TOMM20L: variants seen among roughly 807,000 people sequenced by gnomAD.
TOMM20L encodes the protein translocase of outer mitochondrial membrane 20 like, also known as TOMM20-like protein 1.
Under a neutral mutation model 20.4 loss-of-function variants are expected in TOMM20L, and 19 were observed. That is an observed-to-expected ratio of 0.93 (90% CI 0.65 to 1.36). The LOEUF is 1.36. Ranked by LOEUF, TOMM20L falls within the 40% of genes most tolerant of loss-of-function variation. The probability of loss-of-function intolerance (pLI) is 0.00; values close to 1 mark genes in which losing one functional copy is unlikely to be tolerated. For synonymous variants in TOMM20L, 75 were observed against 79.6 expected, an observed-to-expected ratio of 0.94 and a Z score of 0.30; for missense variants, 218 against 203.7, an observed-to-expected ratio of 1.07 and a Z score of -0.43.
the TOMM20L span, among the ~76,000 whole-genome samples, chr14:58,416,908 G>T: frequency 6.6e-6 from 1 of 152,134 alleles, no homozygotes; most frequent in South Asian, 2.1e-4. Context: ...TGGAGTTCAA[G>T]ACCAGCCTGG....
downstream of TOMM20L, among the ~76,000 whole-genome samples, chr14:58,409,634 A>G (rs1209764708): frequency 6.6e-6 from 1 of 152,154 alleles, no homozygotes; most frequent in Non-Finnish European, 1.5e-5. Context: ...GCTTGAGTGC[A>G]GTGGCGTGAT....
chr14:58,408,802 C>A (rs574289271), downstream of TOMM20L: 61 of 678,588 alleles, frequency 9.0e-5, no homozygotes, highest in African/African-American at 1.0e-3. Flanking sequence ...AATCATAAGG[C>A]CTCAACAAAT....
chr14:58,413,533 G>T (rs944601664), downstream of TOMM20L, among the ~76,000 whole-genome samples: 7 of 152,076 alleles, frequency 4.6e-5, no homozygotes, highest in African/African-American at 7.2e-5. Context: ...AATCTAACGT[G>T]GCGGCAACAG....
At chr14:58,410,702 G>T, downstream of TOMM20L, 1 of 585,234 alleles carries the variant, frequency 1.7e-6, no homozygotes, top group Non-Finnish European at 2.9e-6. Flanking sequence ...TTCAGTGGCT[G>T]CTTCAGTTCT....
chr14:58,396,226 G>A lies in TOMM20L; in HGVS notation c.137-72G>A, dbSNP rs889553196. 8.8e-6 allele frequency: 14 copies of A among 1,595,106 alleles called. No homozygotes were observed. In the East Asian group the frequency reaches 1.4e-4, roughly 16 times the overall value. On this transcript the variant is annotated intron_variant, in intron 1 of 4. Coordinates refer to ENST00000360945, the MANE Select transcript of TOMM20L (RefSeq NM_207377.3). ...CCGAGGGGCCCGCGGCGCCCGGGCA[G>A]GCAGGACCACTGGGCCCACGCGTGC...
At chr14:58,411,250 C>T (rs1433361647), downstream of TOMM20L, among the ~76,000 whole-genome samples, 1 of 151,932 alleles carries the variant, frequency 6.6e-6, no homozygotes, top group Non-Finnish European at 1.5e-5. Flanking sequence ...GAGTTCGAGA[C>T]CAGCCTGGCC....
chr14:58,409,407 TG>T (rs1253851730), downstream of TOMM20L, among the ~76,000 whole-genome samples: 1 of 152,164 alleles, frequency 6.6e-6, no homozygotes, highest in Admixed American at 6.6e-5. Context: ...GATAAGTCTC[TG>T]TTTTCAAAAA....
At chr14:58,396,231 G>A in intron 1 of TOMM20L, 67 bp from the exon 2 acceptor site, 1 of 1,599,508 alleles carries the variant, frequency 6.3e-7, no homozygotes. Flanking sequence ...GGGCAGGCAG[G>A]ACCACTGGGC....
intron 3 of TOMM20L, among the ~76,000 whole-genome samples, chr14:58,403,321 A>G (rs1330538637): frequency 1.3e-5 from 2 of 152,180 alleles, no homozygotes; most frequent in Non-Finnish European, 2.9e-5. Context: ...TCTTGCCACT[A>G]TACTCCAGCC....
intron 4 of TOMM20L, 44 bp downstream of exon 4, chr14:58,407,512 T>A (rs1268894473): frequency 2.6e-6 from 4 of 1,560,840 alleles, no homozygotes; most frequent in Admixed American, 2.0e-5. Flanking sequence ...ACACAGTAAA[T>A]AGCTATGTTA....
the TOMM20L span, among the ~76,000 whole-genome samples, chr14:58,416,983 A>C: frequency 1.3e-5 from 2 of 152,020 alleles, no homozygotes; most frequent in Non-Finnish European, 2.9e-5. Flanking sequence ...TGTGGGAGGG[A>C]CCTGGTGGGA....
Position 58,404,117 on chromosome 14 carries a change from A to ATTTT in TOMM20L, c.262+1357_262+1358insTTTT. Among the ~76,000 whole-genome samples, 11 of 13,454 alleles carry ATTTT rather than the reference A, an allele frequency of 8.2e-4. 1 individual carries two copies. Among genetic ancestry groups the ATTTT allele is most frequent in the Non-Finnish European group, 1.1e-3 (6 of 5,392 alleles). The allele number at this position is 13,454 out of a possible 152,430, so 8.8% of individuals were successfully genotyped here. On this transcript the variant is annotated intron_variant, in intron 3 of 4. Coordinates refer to ENST00000360945, the MANE Select transcript of TOMM20L (RefSeq NM_207377.3). Reference sequence around the variant, plus strand: ...TATATATGTATATATATATATATATATATTTTTTTTTTTTTTTTTTTTTTT... The same window carrying ATTTT: ...TATATATGTATATATATATATATATATTTTTATTTTTTTTTTTTTTTTTTTTTTT...
chr14:58,408,144 C>T (rs143873171), intron 4 of TOMM20L, among the ~76,000 whole-genome samples: 17 of 152,226 alleles, frequency 1.1e-4, no homozygotes, highest in Non-Finnish European at 7.4e-5. Flanking sequence ...TGGCCAGGCG[C>T]GGTGGCTCAC....
chr14:58,416,599 C>A, the TOMM20L span, among the ~76,000 whole-genome samples: 1 of 152,138 alleles, frequency 6.6e-6, no homozygotes, highest in African/African-American at 2.4e-5. Flanking sequence ...AGGAGGAAAA[C>A]ACAGTAATAG....
chr14:58,414,617 A>T, the TOMM20L span, among the ~76,000 whole-genome samples: 5 of 151,708 alleles, frequency 3.3e-5, no homozygotes, highest in Non-Finnish European at 5.9e-5. Context: ...TTATGCCTGT[A>T]ATCCCAGCTA....
At chr14:58,411,865 A>G (rs112395407), downstream of TOMM20L, 511 of 1,599,044 alleles carry the variant, frequency 3.2e-4, 1 homozygote, top group African/African-American at 5.3e-3. Flanking sequence ...AGCACCTTAC[A>G]TTTTTTTGCA....
At chr14:58,403,863 A>T (rs1032516667) in intron 3 of TOMM20L, among the ~76,000 whole-genome samples, 4 of 150,902 alleles carry the variant, frequency 2.7e-5, no homozygotes, top group South Asian at 2.1e-4. Context: ...AAATAAATAA[A>T]TAATTTATTC....
chr14:58,410,684 T>C (rs1403871870), downstream of TOMM20L, among the ~76,000 whole-genome samples: 1 of 152,246 alleles, frequency 6.6e-6, no homozygotes, highest in African/African-American at 2.4e-5. Flanking sequence ...TTAAACTCAA[T>C]GCCGTGGTTC....
intron 4 of TOMM20L, 112 bp from the exon 5 acceptor site, chr14:58,408,417 C>CAAAAAAA: frequency 1.4e-6 from 1 of 722,322 alleles, no homozygotes; most frequent in East Asian, 3.4e-5. Flanking sequence ...AACTCCGTCT[C>CAAAAAAA]AAAAAAAAAA....
Sources: gnomAD v4.1 joint callset for allele counts (sites outside exome capture counted in the v4.1 genomes callset) on GRCh38, gnomAD v4.1.1 for gene constraint, MANE v1.5 for transcripts, NCBI Gene and HGNC (gene_info 2026-07-23, HGNC 2026-07-21) for gene names.